AOPEP: variants seen among roughly 807,000 people sequenced by gnomAD.
AOPEP encodes the protein aminopeptidase O.
In AOPEP, 77 loss-of-function variants were observed where a neutral mutation model predicts 98.1. The observed-to-expected ratio is 0.78, with a 90% CI of 0.65 to 0.95. The LOEUF (loss-of-function observed/expected upper bound fraction) is 0.95. AOPEP is among the 40% of genes least tolerant of loss of function. The probability of loss-of-function intolerance (pLI) is 0.00; values close to 1 mark genes in which losing one functional copy is unlikely to be tolerated. For synonymous variants in AOPEP, 346 were observed against 365.3 expected (o/e 0.95, Z 0.60); for missense variants, 1,024 against 1,024.7 (o/e 1.00, Z 0.01).
intron 5 of AOPEP, among the ~76,000 whole-genome samples, chr9:94,893,086 C>G (rs904729797): frequency 9.9e-5 from 15 of 152,034 alleles, no homozygotes; most frequent in African/African-American, 3.4e-4. Context: ...TTGAGAAGAC[C>G]CTTATAGAAA....
intron 5 of AOPEP, among the ~76,000 whole-genome samples, chr9:94,805,992 G>T (rs1849181938): frequency 6.6e-6 from 1 of 152,172 alleles, no homozygotes; most frequent in African/African-American, 2.4e-5. Flanking sequence ...ACAGCTTTGA[G>T]AATTTTTCTT....
At chr9:94,818,276 T>A (rs1852151236) in intron 5 of AOPEP, among the ~76,000 whole-genome samples, 1 of 152,180 alleles carries the variant, frequency 6.6e-6, no homozygotes, top group African/African-American at 2.4e-5. Context: ...TTAGGAAAAT[T>A]TGGTAGTTTT....
chr9:94,998,641 G>A (rs1313060801), intron 11 of AOPEP, among the ~76,000 whole-genome samples: 4 of 152,178 alleles, frequency 2.6e-5, no homozygotes, highest in Non-Finnish European at 5.9e-5. Flanking sequence ...CAGCTACTAG[G>A]CAAGCCGGCT....
At position 94,804,914 on chromosome 9, in the gene AOPEP, TA is replaced by T. The variant is rs574724345; in HGVS notation, c.1364+3917del. Among the ~76,000 whole-genome samples the T allele has an allele frequency of 1.4e-4, 21 of 152,192 alleles. No homozygotes were observed. In the South Asian group the frequency reaches 2.3e-3, roughly 17 times the overall value. On this transcript the variant is annotated intron_variant, in intron 5 of 16. Coordinates refer to ENST00000375315, the MANE Select transcript of AOPEP (RefSeq NM_001193329.3). ...TGACATTTGGGCTAAGACTGAAGAA[TA>T]AAAAGGAATCAGCTTTGTGACCATC...
Position 94,800,933 on chromosome 9 carries a change from G to T in AOPEP, c.1295G>T (p.Gly432Val). ...PCLSAAHSVL[G>V]AHPFSRLDVL... The stretch of plus-strand genomic sequence containing the variant: ...CTCTCAGCAGCACATTCTGTTCTGG[G>T]AGCACACCCGTTCTCTCGGCTGGAT... Residue 432 changes from glycine to valine, a missense_variant, in exon 5 of 17, where the codon GGA becomes GTA. Coordinates refer to ENST00000375315, the MANE Select transcript of AOPEP (RefSeq NM_001193329.3). 2 of 1,614,118 alleles carry T rather than the reference G, an allele frequency of 1.2e-6. No homozygotes were observed. Among genetic ancestry groups the T allele is most frequent in the Non-Finnish European group, 1.7e-6 (2 of 1,180,016 alleles).
chr9:95,110,725 C>CT, the AOPEP span: 1 of 750,164 alleles, frequency 1.3e-6, no homozygotes, highest in East Asian at 7.8e-5. Context: ...TCCTCTTTAA[C>CT]TACTAAGATC....
chr9:95,079,072 G>T (rs2069416553), intron 14 of AOPEP, among the ~76,000 whole-genome samples: 1 of 152,196 alleles, frequency 6.6e-6, no homozygotes, highest in Non-Finnish European at 1.5e-5. Context: ...GAGGCTATCA[G>T]CCCCTCCCAG....
chr9:95,136,381 T>G, the AOPEP span, among the ~76,000 whole-genome samples: 4 of 151,830 alleles, frequency 2.6e-5, no homozygotes, highest in African/African-American at 9.7e-5. Context: ...AGACCCTGTC[T>G]CAAAAGAAAA....
At chr9:94,856,663 A>G (rs1020430141) in intron 5 of AOPEP, among the ~76,000 whole-genome samples, 2 of 146,260 alleles carry the variant, frequency 1.4e-5, no homozygotes, top group Admixed American at 6.9e-5. Context: ...AAAAAAAAAA[A>G]GCAGGTAGAT....
At chr9:94,758,577 G>A (rs1170468237) in intron 1 of AOPEP, among the ~76,000 whole-genome samples, 1 of 152,194 alleles carries the variant, frequency 6.6e-6, no homozygotes, top group African/African-American at 2.4e-5. Context: ...GAAAATTCAA[G>A]CAAGTAATGA....
chr9:95,064,491 A>G (rs1488226827), intron 14 of AOPEP, among the ~76,000 whole-genome samples: 1 of 152,192 alleles, frequency 6.6e-6, no homozygotes, highest in Admixed American at 6.5e-5. Context: ...GGGTTTCACC[A>G]TCTTGGCCAG....
At chr9:94,776,845 A>G (rs1021733899) in intron 3 of AOPEP, among the ~76,000 whole-genome samples, 2 of 151,870 alleles carry the variant, frequency 1.3e-5, no homozygotes, top group Admixed American at 6.6e-5. Flanking sequence ...ATTCAGTTTC[A>G]AATGATTTCA....
intron 13 of AOPEP, chr9:95,006,162 T>C: frequency 2.2e-6 from 1 of 458,514 alleles, no homozygotes; most frequent in South Asian, 1.6e-5. Context: ...GGACTGCCTG[T>C]CTTTTGATTT....
At chr9:94,979,900 C>T (rs531846179) in intron 11 of AOPEP, among the ~76,000 whole-genome samples, 3 of 152,332 alleles carry the variant, frequency 2.0e-5, no homozygotes, top group East Asian at 1.9e-4. Flanking sequence ...TTCCCTGACA[C>T]GCCTGTGGCT....
rs79081864 is a variant in AOPEP, at chr9:94,872,748, C to T, written c.1365-51238C>T. Among the ~76,000 whole-genome samples the T allele has an allele frequency of 7.3e-3, 1,106 of 152,274 alleles. 14 individuals carry two copies. Among genetic ancestry groups the T allele is most frequent in the African/African-American group, 0.026 (1,067 of 41,538 alleles). On this transcript the variant is annotated intron_variant, in intron 5 of 16. Transcript: ENST00000375315. ...CCAAGAGCTAGATAAAATATTTCCT[C>T]TTCTCAAGTAGCTGCCTACTCATTT...
rs557756358 is a variant in AOPEP, at chr9:94,933,167, C to A, written c.1661+4636C>A. The A allele has an allele frequency of 3.9e-5, 38 of 985,782 alleles. No individual in the cohort carries two copies. The African/African-American group carries it at 6.3e-4, about 16-fold the overall frequency. The allele number at this position is 985,782 out of a possible 1,614,324, so 61.1% of individuals were successfully genotyped here. A position where few individuals can be genotyped will look rare whatever the true frequency, so the allele number is the denominator to read the frequency against. On this transcript the variant is annotated intron_variant, in intron 7 of 16. Transcript: ENST00000375315. ...TCTCCTGTCATCTATCCCCTGCCTA[C>A]AAGGTCCCCTCCTGACTCGTGCAGC...
At chr9:95,103,416 G>A in the AOPEP span, among the ~76,000 whole-genome samples, 14 of 152,298 alleles carry the variant, frequency 9.2e-5, no homozygotes, top group Admixed American at 1.3e-4. Context: ...TCTGCATCTC[G>A]GAATCTAGCT....
chr9:94,977,992 C>T (rs915560334), intron 10 of AOPEP, among the ~76,000 whole-genome samples: 14 of 152,130 alleles, frequency 9.2e-5, no homozygotes, highest in Admixed American at 1.3e-4. Context: ...ACGAGGGGCA[C>T]CAGTGAGCGA....
At chr9:95,026,294 T>G (rs1358282847) in intron 13 of AOPEP, among the ~76,000 whole-genome samples, 2 of 152,170 alleles carry the variant, frequency 1.3e-5, no homozygotes, top group African/African-American at 4.8e-5. Context: ...CAATCTAGTT[T>G]TAAAACATTT....
Sources: gnomAD v4.1 joint callset for allele counts (sites outside exome capture counted in the v4.1 genomes callset) on GRCh38, gnomAD v4.1.1 for gene constraint, MANE v1.5 for transcripts, NCBI Gene and HGNC (gene_info 2026-07-23, HGNC 2026-07-21) for gene names.